The following P4HTM variants were observed in gnomAD, a reference collection of about 807,000 sequenced individuals.
P4HTM encodes transmembrane prolyl 4-hydroxylase.
P4HTM carries 33 observed loss-of-function variants against 55.3 expected under a neutral mutation model. The observed-to-expected ratio is 0.60, with a 90% CI of 0.45 to 0.80. The LOEUF (loss-of-function observed/expected upper bound fraction) is 0.80. Ranked by LOEUF, P4HTM falls within the 30% of genes least tolerant of loss-of-function variation. The probability of loss-of-function intolerance (pLI) is 0.00; values close to 1 mark genes in which losing one functional copy is unlikely to be tolerated. For synonymous variants in P4HTM, 272 were observed against 286.4 expected (o/e 0.95, Z 0.51); for missense variants, 542 against 696.5 (o/e 0.78, Z 2.50).
At chr3:48,990,132 G>C, upstream of P4HTM, 2 of 941,486 alleles carry the variant, frequency 2.1e-6, no homozygotes, top group Non-Finnish European at 2.6e-6. This position sits in a 1 kb window ranked among gnomAD's most constrained non-coding sequence, Gnocchi z 7.2. Context: ...GGCGGGCTCA[G>C]CACCCCCAGG....
At chr3:48,991,056 C>T (rs2092929882) in intron 2 of P4HTM, 142 bp downstream of exon 2, 1 of 634,704 alleles carries the variant, frequency 1.6e-6, no homozygotes, top group South Asian at 1.8e-5. Context: ...AGTGAAGGAC[C>T]TTCCCCGTCC....
rs751813548 is a variant in P4HTM, at chr3:49,002,538, G to A, written c.666G>A (p.Met222Ile). Residue 222 changes from methionine to isoleucine, a missense_variant, in exon 4 of 9, where the codon ATG becomes ATA. Around this residue, in one of 2 missense-constraint regions of P4HTM, gnomAD observed 536 missense variants for 672.1 expected, o/e 0.80. Coordinates refer to ENST00000383729, the MANE Select transcript of P4HTM (RefSeq NM_177939.3). This position sits in a 1 kb window ranked among gnomAD's most constrained non-coding sequence, Gnocchi z 4.4. The part of the protein sequence containing the change: ...AQTRLGNGWW[M>I]TPESIQEMYA... ...CTCGCCTGGGAAATGGATGGTGGAT[G>A]ACTCCAGAGAGCATTCAGGAGATGT... 1.2e-6 allele frequency: 2 copies of A among 1,614,128 alleles called. No homozygotes were observed. Among genetic ancestry groups the A allele is most frequent in the Admixed American group, 1.7e-5 (1 of 60,028 alleles).
At position 48,999,359 on chromosome 3, in the gene P4HTM, G is replaced by A. The variant is rs1424289979; in HGVS notation, c.437-2079G>A. Reference sequence around the variant, plus strand: ...CAACTGCTGGATGGCCTCAGCTGCTGTGATGTGGTCCAGCAAGTTGGGCAG... The same window carrying A: ...CAACTGCTGGATGGCCTCAGCTGCTATGATGTGGTCCAGCAAGTTGGGCAG... On this transcript the variant is annotated intron_variant, in intron 2 of 8. Transcript: ENST00000383729. The surrounding 1 kb of genome is among the most constrained non-coding windows in gnomAD (Gnocchi z 4.8). The A allele has an allele frequency of 6.4e-6, 1 of 156,770 alleles. No homozygotes were observed. The highest frequency in any genetic ancestry group is 1.5e-5 in the Non-Finnish European group (1 of 68,138). The allele number at this position is 156,770 out of a possible 1,614,324, so 9.7% of individuals were successfully genotyped here.
intron 4 of P4HTM, chr3:49,003,291 C>T (rs2092967092): frequency 2.1e-5 from 2 of 95,356 alleles, no homozygotes; most frequent in Non-Finnish European, 4.5e-5. Context: ...AGTGAAGAAT[C>T]TGGCCGTGAC....
intron 2 of P4HTM, among the ~76,000 whole-genome samples, chr3:48,997,053 C>T (rs957863397): frequency 2.0e-4 from 31 of 152,230 alleles, no homozygotes; most frequent in African/African-American, 7.0e-4. Flanking sequence ...AGTGTACTTC[C>T]ACCCTGTTTG....
intron 2 of P4HTM, among the ~76,000 whole-genome samples, chr3:48,993,704 A>T (rs542115524): frequency 6.6e-5 from 10 of 152,060 alleles, no homozygotes; most frequent in African/African-American, 2.4e-4. Flanking sequence ...TCTACTAAAA[A>T]TACAAAAATT....
In P4HTM at chr3:49,001,426, C is replaced by T. The variant is rs750073079; in HGVS notation, c.437-12C>T. 1 of 1,613,634 alleles carries T rather than the reference C, an allele frequency of 6.2e-7. No homozygotes were observed. Among genetic ancestry groups the T allele is most frequent in the Admixed American group, 1.7e-5 (1 of 60,028 alleles). On this transcript the variant is annotated splice_polypyrimidine_tract_variant and intron_variant, in intron 2 of 8. Coordinates refer to ENST00000383729, the MANE Select transcript of P4HTM (RefSeq NM_177939.3). ...CTCAGTCCTTGGCCTCACCCACCTC[C>T]TCTTCTGGCAGAAATCCCCGGCTTC...
chr3:48,995,449 C>T (rs78186885), intron 2 of P4HTM, among the ~76,000 whole-genome samples: 2 of 152,288 alleles, frequency 1.3e-5, no homozygotes, highest in East Asian at 3.9e-4. Flanking sequence ...TTCTCAAATG[C>T]TTAGGACTGC....
intron 2 of P4HTM, 187 bp downstream of exon 2, chr3:48,991,101 C>A (rs888416124): frequency 2.1e-5 from 12 of 578,074 alleles, no homozygotes; most frequent in African/African-American, 9.4e-5. Flanking sequence ...TATCCCAACT[C>A]CCTGCAGTCC....
intron 2 of P4HTM, among the ~76,000 whole-genome samples, chr3:48,996,869 G>A (rs1358773651): frequency 4.6e-5 from 7 of 152,150 alleles, no homozygotes; most frequent in Admixed American, 2.0e-4. Context: ...TTGGGGTTCC[G>A]AGGCATGTGG....
At position 49,002,781 on chromosome 3, in the gene P4HTM, C is replaced by T. The variant is rs771273060; in HGVS notation, c.724+185C>T. Reference sequence around the variant, plus strand: ...TTACCCCTGGGAAGTAGGCAGGCAGCCAGGCCCCCCGTTCCCCTTGGTGAT... The same window carrying T: ...TTACCCCTGGGAAGTAGGCAGGCAGTCAGGCCCCCCGTTCCCCTTGGTGAT... On this transcript the variant is annotated intron_variant, in intron 4 of 8. Transcript: ENST00000383729. This position sits in a 1 kb window ranked among gnomAD's most constrained non-coding sequence, Gnocchi z 4.4. 3 of 686,502 alleles carry T rather than the reference C, an allele frequency of 4.4e-6. No individual in the cohort carries two copies. In the South Asian group the frequency reaches 4.5e-5, roughly 10 times the overall value. 42.5% of individuals were successfully genotyped at this position (686,502 alleles called of 1,614,324 possible). A position where few individuals can be genotyped will look rare whatever the true frequency, so the allele number is the denominator to read the frequency against.
rs1432500031 is a variant in P4HTM at position 48,999,725 on chromosome 3, T to G, written c.437-1713T>G. Reference sequence around the variant, plus strand: ...GCACACAGCAGGGGACTGTAGAGGCTGGAGGCACCTCCACTGGGCTTGCAG... The same window carrying G: ...GCACACAGCAGGGGACTGTAGAGGCGGGAGGCACCTCCACTGGGCTTGCAG... On this transcript the variant is annotated intron_variant, in intron 2 of 8. Coordinates refer to ENST00000383729, the MANE Select transcript of P4HTM (RefSeq NM_177939.3). The surrounding 1 kb of genome is among the most constrained non-coding windows in gnomAD (Gnocchi z 4.8). The G allele has an allele frequency of 6.5e-6, 1 of 154,456 alleles. No homozygotes were observed. The highest frequency in any genetic ancestry group is 2.4e-5 in the African/African-American group (1 of 41,464). The allele number at this position is 154,456 out of a possible 1,614,324, so 9.6% of individuals were successfully genotyped here.
rs1313674062 is a variant in P4HTM at position 48,999,418 on chromosome 3, C to A, written c.437-2020C>A. On this transcript the variant is annotated intron_variant, in intron 2 of 8. Transcript: ENST00000383729. This position sits in a 1 kb window ranked among gnomAD's most constrained non-coding sequence, Gnocchi z 4.8. ...GTGTAGCCAATGTCGTGGCATAGGG[C>A]CATGGCTTGGGGAATGGGCATGCAC... The A allele has an allele frequency of 6.0e-6, 1 of 166,196 alleles. No homozygotes were observed. Among genetic ancestry groups the A allele is most frequent in the Non-Finnish European group, 1.5e-5 (1 of 68,218 alleles). The allele number at this position is 166,196 out of a possible 1,614,324, so 10.3% of individuals were successfully genotyped here.
rs776566750 is a variant in P4HTM at position 49,001,602 on chromosome 3, C to T, written c.601C>T (p.Arg201Cys). Residue 201 changes from arginine (R) to cysteine (C), a missense_variant, in exon 3 of 9, where the codon CGT becomes TGT. Physicochemically the swap from Arg to Cys is radical, Grantham distance 180. Coordinates refer to ENST00000383729, the MANE Select transcript of P4HTM (RefSeq NM_177939.3). ...LDLFRLLDQN[R>C]DGHLQLREVL... ...CCTCTTCCGGCTGCTGGACCAGAACCGTGATGGGCACCTTCAGCTCCGTGA... is the reference window on the plus strand; with the variant it reads ...CCTCTTCCGGCTGCTGGACCAGAACTGTGATGGGCACCTTCAGCTCCGTGA... 5.0e-6 allele frequency: 8 copies of T among 1,612,040 alleles called. No individual in the cohort carries two copies. The highest frequency in any genetic ancestry group is 2.2e-5 in the East Asian group (1 of 44,856).
Position 48,990,582 on chromosome 3 carries a change from G to A in P4HTM, c.326G>A (p.Gly109Asp). 6.2e-7 allele frequency: 1 copy of A among 1,604,030 alleles called. No individual in the cohort carries two copies. Among genetic ancestry groups the A allele is most frequent in the East Asian group, 2.2e-5 (1 of 44,554 alleles). ...GGCCCCGGGCCCGAGCCCACCTTAGGTCCCCTCACCCGGCTGGAGGGCATC... is the reference window on the plus strand; with the variant it reads ...GGCCCCGGGCCCGAGCCCACCTTAGATCCCCTCACCCGGCTGGAGGGCATC... Reference protein sequence around the residue: ...AQGPGPEPTLGPLTRLEGIKV... With the variant: ...AQGPGPEPTLDPLTRLEGIKV... The change falls in exon 1 of 9, where the codon GGT becomes GAT. Residue 109 changes from glycine to aspartate, a missense_variant. This residue lies in a region of P4HTM where 536 missense variants were observed against 672.1 expected (regional missense o/e 0.80). Coordinates refer to ENST00000383729, the MANE Select transcript of P4HTM (RefSeq NM_177939.3). This position sits in a 1 kb window ranked among gnomAD's most constrained non-coding sequence, Gnocchi z 7.2.
rs748158739 is a variant in P4HTM, at chr3:49,006,884, C to A, written c.1486C>A (p.Arg496Ser). The change falls in exon 9 of 9, where the codon CGC (arginine) becomes AGC (serine). Residue 496 changes from arginine to serine, a missense_variant. Coordinates refer to ENST00000383729, the MANE Select transcript of P4HTM (RefSeq NM_177939.3). Reference protein sequence around the residue: ...QPEWALDRAYRDARVEL With the variant: ...QPEWALDRAYSDARVEL The stretch of plus-strand genomic sequence containing the variant: ...CGAGTGGGCTCTGGACCGGGCCTAC[C>A]GCGATGCGCGCGTGGAACTCTGAGG... The A allele has an allele frequency of 1.9e-6, 3 of 1,612,218 alleles. No homozygotes were observed. Among genetic ancestry groups the A allele is most frequent in the African/African-American group, 2.7e-5 (2 of 74,948 alleles).
At chr3:49,005,967 C>T (rs1275075680) in intron 7 of P4HTM, 97 bp from the exon 8 acceptor site, 2 of 1,545,428 alleles carry the variant, frequency 1.3e-6, no homozygotes, top group Admixed American at 1.8e-5. Flanking sequence ...CAAATTATTC[C>T]TTGGGCATAT....
intron 2 of P4HTM, among the ~76,000 whole-genome samples, chr3:48,994,000 A>G (rs2092938423): frequency 6.6e-6 from 1 of 152,216 alleles, no homozygotes. Flanking sequence ...GTTTCTGCAG[A>G]TGAACTTCAA....
rs1222966841 is a variant in P4HTM at position 49,006,689 on chromosome 3, T to C, written c.1291T>C (p.Trp431Arg). Residue 431 changes from tryptophan to arginine, a missense_variant and splice_region_variant, in exon 9 of 9, where the codon TGG becomes CGG. By Grantham distance (101) the Trp-to-Arg change is moderately radical. Coordinates refer to ENST00000383729, the MANE Select transcript of P4HTM (RefSeq NM_177939.3). ...WYNYLPDGQGWVGDVDDYSLH... is the reference protein window; with the variant it reads ...WYNYLPDGQGRVGDVDDYSLH... Reference sequence around the variant, plus strand: ...CTCACGTCACCCTCCTCTTCTAGGTTGGGTGGGTGACGTAGACGACTACTC... The same window carrying C: ...CTCACGTCACCCTCCTCTTCTAGGTCGGGTGGGTGACGTAGACGACTACTC... The C allele has an allele frequency of 6.2e-7, 1 of 1,612,754 alleles. No homozygotes were observed. The highest frequency in any genetic ancestry group is 8.5e-7 in the Non-Finnish European group (1 of 1,179,388).
Sources: allele counts gnomAD v4.1 joint callset (sites outside exome capture counted in the v4.1 genomes callset), GRCh38; gene constraint gnomAD v4.1.1; regional missense constraint gnomAD v4.1.1; non-coding constraint Gnocchi (gnomAD v3.1); transcripts MANE v1.5; gene names NCBI Gene and HGNC (gene_info 2026-07-23, HGNC 2026-07-21).